LRRC37A2: variants seen among roughly 807,000 people sequenced by gnomAD.
LRRC37A2 encodes the protein leucine rich repeat containing 37 member A2.
A neutral mutation model predicts 68.8 loss-of-function variants in LRRC37A2; 9 were observed. The observed-to-expected ratio is 0.13, with a 90% CI of 0.08 to 0.23. The LOEUF (loss-of-function observed/expected upper bound fraction) is 0.23. Ranked by LOEUF, LRRC37A2 falls within the 10% of genes least tolerant of loss-of-function variation. The pLI is 1.00. For missense variants in LRRC37A2, 168 were observed against 950.4 expected (o/e 0.18, Z 10.82); for synonymous variants, 63 against 367.6 (o/e 0.17, Z 9.48).
At chr17:46,810,921 T>C in the LRRC37A2 span, among the ~76,000 whole-genome samples, 8 of 152,094 alleles carry the variant, frequency 5.3e-5, no homozygotes, top group Non-Finnish European at 8.8e-5. Context: ...CTCCTCACAC[T>C]GGCCCCTCTC....
chr17:46,722,218 C>T, the LRRC37A2 span: 1 of 1,433,070 alleles, frequency 7.0e-7, no homozygotes. Context: ...AGACCCAAAT[C>T]TCGCGAGAGC....
At chr17:46,783,518 A>G in the LRRC37A2 span, among the ~76,000 whole-genome samples, 2 of 152,226 alleles carry the variant, frequency 1.3e-5, no homozygotes, top group Non-Finnish European at 2.9e-5. Context: ...GTAACAGACC[A>G]ACAAGCATTT....
At chr17:46,739,460 G>T in the LRRC37A2 span, among the ~76,000 whole-genome samples, 1 of 148,566 alleles carries the variant, frequency 6.7e-6, no homozygotes, top group Non-Finnish European at 1.5e-5. Flanking sequence ...AATCACCTGA[G>T]CCCAGGAGGT....
At chr17:46,681,859 C>T in the LRRC37A2 span, among the ~76,000 whole-genome samples, 2 of 41,182 alleles carry the variant, frequency 4.9e-5, no homozygotes, top group South Asian at 7.9e-4. Flanking sequence ...CAGAAAGTCC[C>T]GGAACCAGTC....
chr17:46,897,996 C>T, the LRRC37A2 span, among the ~76,000 whole-genome samples: 3 of 152,116 alleles, frequency 2.0e-5, no homozygotes, highest in Non-Finnish European at 2.9e-5. Flanking sequence ...GTGGTCTCCT[C>T]TTTTTCCAGA....
chr17:46,832,236 C>G, the LRRC37A2 span, among the ~76,000 whole-genome samples: 2 of 152,194 alleles, frequency 1.3e-5, no homozygotes, highest in Non-Finnish European at 2.9e-5. Context: ...GGTTCCAGAA[C>G]ACAAAGCCTC....
chr17:46,822,765 G>C, the LRRC37A2 span, among the ~76,000 whole-genome samples: 1 of 152,096 alleles, frequency 6.6e-6, no homozygotes, highest in African/African-American at 2.4e-5. Context: ...AGGGCGAGCG[G>C]GCCCAGGTGA....
At chr17:47,036,396 A>G in the LRRC37A2 span, among the ~76,000 whole-genome samples, 1 of 152,168 alleles carries the variant, frequency 6.6e-6, no homozygotes, top group Non-Finnish European at 1.5e-5. Flanking sequence ...CAGTTTGGAG[A>G]AGAAAAAACT....
At chr17:46,889,245 G>T in the LRRC37A2 span, among the ~76,000 whole-genome samples, 1 of 152,164 alleles carries the variant, frequency 6.6e-6, no homozygotes, top group African/African-American at 2.4e-5. Flanking sequence ...GGGAGGCAAT[G>T]AACCACTCAC....
the LRRC37A2 span, among the ~76,000 whole-genome samples, chr17:46,816,993 T>C: frequency 1.1e-4 from 16 of 152,206 alleles, no homozygotes; most frequent in African/African-American, 3.4e-4. Flanking sequence ...CTTTATGTGC[T>C]GGAAGCCTCA....
the LRRC37A2 span, chr17:46,964,641 C>T: frequency 6.6e-6 from 1 of 152,196 alleles, no homozygotes; most frequent in African/African-American, 2.4e-5. Flanking sequence ...GGAGGAGACC[C>T]AGGACAAGAG....
the LRRC37A2 span, among the ~76,000 whole-genome samples, chr17:47,006,838 G>A: frequency 6.6e-6 from 1 of 152,168 alleles, no homozygotes. Context: ...AGAAGCTGTG[G>A]GCAGAAAAGG....
chr17:46,839,689 C>G, the LRRC37A2 span, among the ~76,000 whole-genome samples: 522 of 152,292 alleles, frequency 3.4e-3, 3 homozygotes, highest in African/African-American at 0.012. Context: ...CCCAGTCCCC[C>G]CCGCCAAGAG....
chr17:46,979,798 T>A, the LRRC37A2 span, among the ~76,000 whole-genome samples: 1 of 43,194 alleles, frequency 2.3e-5, no homozygotes. Context: ...GTTTTTTTCT[T>A]TCTTTTTTAC....
chr17:46,806,791 C>A, the LRRC37A2 span, among the ~76,000 whole-genome samples: 1 of 152,218 alleles, frequency 6.6e-6, no homozygotes, highest in Admixed American at 6.5e-5. Context: ...TGTGAGGACA[C>A]CTTGCTGGGT....
chr17:46,895,927 C>A, the LRRC37A2 span, among the ~76,000 whole-genome samples: 2 of 151,918 alleles, frequency 1.3e-5, no homozygotes, highest in Admixed American at 1.3e-4. Flanking sequence ...TGGTGCTGGG[C>A]AGGGTCTTGA....
the LRRC37A2 span, among the ~76,000 whole-genome samples, chr17:46,791,094 T>A: frequency 6.6e-6 from 1 of 152,186 alleles, no homozygotes; most frequent in Non-Finnish European, 1.5e-5. Flanking sequence ...AGGTACAGGA[T>A]GCTCACACTC....
At chr17:46,880,140 G>A in the LRRC37A2 span, among the ~76,000 whole-genome samples, 19 of 152,162 alleles carry the variant, frequency 1.2e-4, no homozygotes. Context: ...TGGACAGGAT[G>A]CCCCAAGTGC....
the LRRC37A2 span, among the ~76,000 whole-genome samples, chr17:46,723,580 C>T: frequency 0.3 from 45,839 of 152,036 alleles, 7,684 homozygotes; most frequent in East Asian, 0.61. Flanking sequence ...AAGGCCCTTC[C>T]CTTCTTGCTC....
Sources: gnomAD v4.1 joint callset for allele counts (sites outside exome capture counted in the v4.1 genomes callset) on GRCh38, gnomAD v4.1.1 for gene constraint, MANE v1.5 for transcripts, NCBI Gene and HGNC (gene_info 2026-07-23, HGNC 2026-07-21) for gene names.